TRHDE: variants seen among roughly 807,000 people sequenced by gnomAD.
TRHDE encodes thyrotropin-releasing hormone-degrading ectoenzyme.
In TRHDE, 72 loss-of-function variants were observed where a neutral mutation model predicts 125.7. The observed-to-expected ratio is 0.57, with a 90% CI of 0.47 to 0.70. The LOEUF (loss-of-function observed/expected upper bound fraction) is 0.70. TRHDE is among the 30% of genes least tolerant of loss of function. The pLI is 0.00. For missense variants in TRHDE, 1,110 were observed against 1,327.1 expected, an observed-to-expected ratio of 0.84 and a Z score of 2.54; for synonymous variants, 509 against 509.1, an observed-to-expected ratio of 1.00 and a Z score of 0.00.
rs145128862 is a variant in TRHDE, at chr12:72,552,953, G to A, written c.1789-9212G>A. Among the ~76,000 whole-genome samples, 403 of 152,248 alleles carry A rather than the reference G, an allele frequency of 2.6e-3. 4 individuals carry two copies. Among genetic ancestry groups the A allele is most frequent in the African/African-American group, 8.6e-3 (358 of 41,550 alleles). On this transcript the variant is annotated intron_variant, in intron 7 of 18. Transcript: ENST00000261180. Reference sequence around the variant, plus strand: ...GGACCTTGCTCATTGAGAAGGTGAGGCACTTGTCTTTAATAGGAGACTTAT... The same window carrying A: ...GGACCTTGCTCATTGAGAAGGTGAGACACTTGTCTTTAATAGGAGACTTAT...
At chr12:72,253,031 G>A (rs756599780) in intron 2 of TRHDE, among the ~76,000 whole-genome samples, 8 of 152,134 alleles carry the variant, frequency 5.3e-5, no homozygotes, top group Non-Finnish European at 8.8e-5. Flanking sequence ...CATGATGTAT[G>A]GCAGGTCCTG....
chr12:72,095,088 AT>A (rs1183134028), intron 1 of TRHDE, among the ~76,000 whole-genome samples: 2 of 152,190 alleles, frequency 1.3e-5, no homozygotes, highest in African/African-American at 4.8e-5. Flanking sequence ...AGACTAGGAG[AT>A]GTTTTTGTCA....
chr12:72,498,381 T>A (rs560007243), intron 5 of TRHDE, among the ~76,000 whole-genome samples: 13 of 152,238 alleles, frequency 8.5e-5, no homozygotes, highest in African/African-American at 3.1e-4. Flanking sequence ...TAGCTTGAAA[T>A]TACAACTCAC....
chr12:72,651,021 G>A (rs2136108984), intron 15 of TRHDE, among the ~76,000 whole-genome samples: 1 of 152,236 alleles, frequency 6.6e-6, no homozygotes, highest in Admixed American at 6.5e-5. Context: ...TGGAAAACAA[G>A]AGAAAGATGT....
intron 3 of TRHDE, among the ~76,000 whole-genome samples, chr12:72,403,089 A>G (rs972335051): frequency 3.3e-5 from 5 of 152,208 alleles, no homozygotes; most frequent in African/African-American, 9.6e-5. Flanking sequence ...TGACTAATGT[A>G]TAATAACCCC....
chr12:72,647,552 AAGAG>A (rs1299981039), intron 15 of TRHDE, among the ~76,000 whole-genome samples: 5 of 152,008 alleles, frequency 3.3e-5, no homozygotes, highest in African/African-American at 1.2e-4. Context: ...ATTAATGAAA[AAGAG>A]AGAAGACTCA....
In TRHDE at chr12:72,362,997, A is replaced by G. The variant is rs1470846335; in HGVS notation, c.1189-14998A>G. Among the ~76,000 whole-genome samples, 12 of 152,066 alleles carry G rather than the reference A, an allele frequency of 7.9e-5. No individual in the cohort carries two copies. The East Asian group carries it at 1.4e-3, about 17-fold the overall frequency. On this transcript the variant is annotated intron_variant, in intron 2 of 18. Coordinates refer to ENST00000261180, the MANE Select transcript of TRHDE (RefSeq NM_013381.3). Reference sequence around the variant, plus strand: ...GTAGTATAGTTTGAAGTCAGGTAGCATGATGCCTCCAGCTTTGTTCTTTTG... The same window carrying G: ...GTAGTATAGTTTGAAGTCAGGTAGCGTGATGCCTCCAGCTTTGTTCTTTTG...
chr12:72,387,458 T>C (rs1479964249), intron 3 of TRHDE, among the ~76,000 whole-genome samples: 1 of 152,174 alleles, frequency 6.6e-6, no homozygotes, highest in Non-Finnish European at 1.5e-5. Context: ...CCAACCACCA[T>C]ACTCTTTTGC....
At chr12:72,533,643 C>T (rs1868681539) in intron 6 of TRHDE, among the ~76,000 whole-genome samples, 1 of 146,628 alleles carries the variant, frequency 6.8e-6, no homozygotes, top group South Asian at 2.2e-4. Flanking sequence ...TTTCTCGGAG[C>T]TTTGCTATTT....
chr12:72,373,887 C>T (rs1264578618), intron 2 of TRHDE, among the ~76,000 whole-genome samples: 2 of 152,056 alleles, frequency 1.3e-5, no homozygotes, highest in African/African-American at 4.8e-5. Context: ...CATTTGGGGC[C>T]CTTGTAAAAA....
intron 2 of TRHDE, among the ~76,000 whole-genome samples, chr12:72,202,234 C>T (rs577448923): frequency 2.6e-5 from 4 of 152,224 alleles, no homozygotes; most frequent in Admixed American, 2.6e-4. Flanking sequence ...ATCCCTTGTC[C>T]TCTGGTTTCC....
intron 3 of TRHDE, among the ~76,000 whole-genome samples, chr12:72,457,594 A>G (rs949571560): frequency 4.8e-5 from 7 of 145,276 alleles, no homozygotes; most frequent in African/African-American, 1.7e-4. Flanking sequence ...CAAGTATTTG[A>G]TTTTGTTTGA....
intron 2 of TRHDE, among the ~76,000 whole-genome samples, chr12:72,202,809 T>A (rs113265652): frequency 0.012 from 1,843 of 152,322 alleles, 41 homozygotes; most frequent in African/African-American, 0.042. Context: ...CATTTGTTAA[T>A]TGTATCATTT....
intron 2 of TRHDE, among the ~76,000 whole-genome samples, chr12:72,215,034 G>A (rs978978032): frequency 3.7e-4 from 57 of 152,136 alleles, no homozygotes; most frequent in Non-Finnish European, 7.2e-4. Flanking sequence ...AAGAGACCAC[G>A]AAACAGGCTT....
chr12:72,137,655 C>T (rs115451552), intron 2 of TRHDE: 1 of 152,320 alleles, frequency 6.6e-6, no homozygotes, highest in African/African-American at 2.4e-5. Flanking sequence ...CTCTTCTTTG[C>T]TGCTCTTCAG....
intron 2 of TRHDE, among the ~76,000 whole-genome samples, chr12:72,115,940 T>C (rs768349121): frequency 2.0e-5 from 3 of 152,164 alleles, no homozygotes; most frequent in Non-Finnish European, 4.4e-5. Flanking sequence ...TTGCTGCACC[T>C]ATCAACCTGT....
At chr12:72,653,246 T>A in intron 17 of TRHDE, 90 bp downstream of exon 17, 1 of 1,048,186 alleles carries the variant, frequency 9.5e-7, no homozygotes, top group Non-Finnish European at 1.3e-6. Context: ...CTAAGATCCA[T>A]GCAATAGGTT....
intron 2 of TRHDE, among the ~76,000 whole-genome samples, chr12:72,336,285 C>G (rs1869826996): frequency 6.6e-6 from 1 of 152,168 alleles, no homozygotes; most frequent in East Asian, 1.9e-4. Flanking sequence ...CTTAGACCCA[C>G]AAAAGGAAAT....
intron 6 of TRHDE, among the ~76,000 whole-genome samples, chr12:72,535,249 G>A (rs1312164049): frequency 1.3e-5 from 2 of 151,974 alleles, no homozygotes; most frequent in African/African-American, 4.8e-5. Flanking sequence ...TCTAATTGTA[G>A]ATACTTAGAT....
Sources: allele counts gnomAD v4.1 joint callset (sites outside exome capture counted in the v4.1 genomes callset), GRCh38; gene constraint gnomAD v4.1.1; transcripts MANE v1.5; gene names NCBI Gene and HGNC (gene_info 2026-07-23, HGNC 2026-07-21).